Variants in THSD7B observed in about 807,000 individuals in gnomAD.
The protein encoded by THSD7B is thrombospondin type-1 domain-containing protein 7B.
A neutral mutation model predicts 213.6 loss-of-function variants in THSD7B; 138 were observed. That is an observed-to-expected ratio of 0.65 (90% CI 0.56 to 0.74). The LOEUF is 0.74. THSD7B is among the 30% of genes least tolerant of loss of function. The pLI is 0.00. For synonymous variants in THSD7B, 742 were observed against 687.0 expected (o/e 1.08, Z -1.25); for missense variants, 1,931 against 1,991.5 (o/e 0.97, Z 0.58).
chr2:137,445,393 T>C (rs550886415), intron 14 of THSD7B, among the ~76,000 whole-genome samples: 2 of 152,054 alleles, frequency 1.3e-5, no homozygotes, highest in African/African-American at 2.4e-5. Flanking sequence ...AGAAAATATG[T>C]ATATACACAA....
chr2:137,398,746 G>T (rs1318898579), intron 12 of THSD7B, among the ~76,000 whole-genome samples: 1 of 152,168 alleles, frequency 6.6e-6, no homozygotes, highest in Admixed American at 6.5e-5. Context: ...GGCAATGGTG[G>T]GCGCCCCTCC....
At chr2:137,122,338 G>A (rs1688559913) in intron 5 of THSD7B, among the ~76,000 whole-genome samples, 1 of 151,780 alleles carries the variant, frequency 6.6e-6, no homozygotes, top group South Asian at 2.1e-4. Context: ...TAGGTAAGAA[G>A]AGATTAAACC....
At chr2:137,211,342 A>ACACACACACACACACACACACACAGAGG (rs1553479478) in intron 7 of THSD7B, among the ~76,000 whole-genome samples, 16 of 115,748 alleles carry the variant, frequency 1.4e-4, no homozygotes, top group African/African-American at 4.8e-4. Flanking sequence ...ACACACACAC[A>ACACACACACACACACACACACACAGAGG]CACACACACA....
intron 5 of THSD7B, among the ~76,000 whole-genome samples, chr2:137,123,507 CT>C (rs1350946202): frequency 6.6e-6 from 1 of 152,164 alleles, no homozygotes; most frequent in Non-Finnish European, 1.5e-5. Context: ...CTCATATTTT[CT>C]TTGCTTTACT....
chr2:136,873,597 GT>G (rs1683478320), intron 1 of THSD7B, among the ~76,000 whole-genome samples: 1 of 152,222 alleles, frequency 6.6e-6, no homozygotes, highest in Non-Finnish European at 1.5e-5. Flanking sequence ...AGATTGGAAA[GT>G]TGAAAAATCA....
In THSD7B at chr2:137,642,506, G is replaced by A. The variant is rs537759315; in HGVS notation, c.3818G>A (p.Arg1273Gln). The stretch of plus-strand genomic sequence containing the variant: ...ATTTTAGGTCGAATGAGCCGGACTC[G>A]ATTTATCATTATGCCAACCCAAGGA... ...CGHGGRMSRTRFIIMPTQGEG... is the reference protein window; with the variant it reads ...CGHGGRMSRTQFIIMPTQGEG... Residue 1273 changes from arginine to glutamine, a missense_variant, in exon 21 of 28, where the codon CGA (arginine) becomes CAA (glutamine). By Grantham distance (43) the Arg-to-Gln change is conservative (BLOSUM62 1). Transcript: ENST00000409968. The A allele has an allele frequency of 1.9e-6, 3 of 1,613,754 alleles. No individual in the cohort carries two copies. The highest frequency in any genetic ancestry group is 1.1e-5 in the South Asian group (1 of 91,066).
At chr2:137,024,833 G>A (rs953643579) in intron 2 of THSD7B, among the ~76,000 whole-genome samples, 3 of 151,872 alleles carry the variant, frequency 2.0e-5, no homozygotes, top group African/African-American at 7.3e-5. Context: ...CCTCATTTTT[G>A]CCTTGCTGAC....
intron 17 of THSD7B, among the ~76,000 whole-genome samples, chr2:137,583,027 C>A (rs1206380465): frequency 1.3e-5 from 2 of 152,172 alleles, no homozygotes; most frequent in Admixed American, 6.5e-5. Flanking sequence ...TTGATGATCA[C>A]CATTCTAACT....
chr2:137,628,540 A>G (rs1353733036), intron 20 of THSD7B, among the ~76,000 whole-genome samples: 1 of 152,178 alleles, frequency 6.6e-6, no homozygotes, highest in African/African-American at 2.4e-5. Context: ...CACAAAAGAC[A>G]TACAAATGAG....
In THSD7B at chr2:137,620,741, A is replaced by G. The variant is rs1558862397; in HGVS notation, c.3799+15A>G. 1.3e-6 allele frequency: 2 copies of G among 1,598,292 alleles called. No homozygotes were observed. Among genetic ancestry groups the G allele is most frequent in the Non-Finnish European group, 1.7e-6 (2 of 1,166,520 alleles). The stretch of plus-strand genomic sequence containing the variant: ...TGGCCATGGAGGTATTGGTTTCCCC[A>G]TATTTCCCACTAACTAGTGTAGGTT... On this transcript the variant is annotated intron_variant, in intron 20 of 27. Coordinates refer to ENST00000409968, the MANE Select transcript of THSD7B (RefSeq NM_001316349.2).
chr2:137,335,109 T>C (rs1176256807), intron 12 of THSD7B, among the ~76,000 whole-genome samples: 1 of 152,214 alleles, frequency 6.6e-6, no homozygotes, highest in African/African-American at 2.4e-5. Context: ...AGTGTGGGAA[T>C]GGACTAATCC....
intron 21 of THSD7B, among the ~76,000 whole-genome samples, chr2:137,651,819 T>C (rs534206866): frequency 7.2e-4 from 110 of 152,190 alleles, no homozygotes; most frequent in Middle Eastern, 6.8e-3. Flanking sequence ...TCGTTGGTTA[T>C]TCAGGAGCAT....
chr2:137,446,196 A>G (rs564521215), intron 14 of THSD7B, among the ~76,000 whole-genome samples: 173 of 152,146 alleles, frequency 1.1e-3, no homozygotes, highest in Non-Finnish European at 2.1e-3. Flanking sequence ...AATATTTCCT[A>G]CTTTTATGTC....
At chr2:136,809,226 C>A (rs1447814195) in intron 1 of THSD7B, among the ~76,000 whole-genome samples, 1 of 152,088 alleles carries the variant, frequency 6.6e-6, no homozygotes. Context: ...TAGGGGTCGT[C>A]AGGGCCCCCT....
At chr2:137,226,591 TTGATTC>T (rs1681509766) in intron 7 of THSD7B, among the ~76,000 whole-genome samples, 1 of 151,844 alleles carries the variant, frequency 6.6e-6, no homozygotes. Context: ...CCAAGTGCTT[TTGATTC>T]TGCTGGAAAT....
At chr2:137,321,947 T>A (rs1684271857) in intron 12 of THSD7B, among the ~76,000 whole-genome samples, 1 of 152,196 alleles carries the variant, frequency 6.6e-6, no homozygotes, top group South Asian at 2.1e-4. Context: ...CTGTTTGTCA[T>A]AATGATTCAT....
At chr2:137,133,857 A>T (rs952106955) in intron 5 of THSD7B, among the ~76,000 whole-genome samples, 1 of 152,136 alleles carries the variant, frequency 6.6e-6, no homozygotes, top group African/African-American at 2.4e-5. Context: ...ATGTTTGTAT[A>T]TGTTTTACAC....
intron 3 of THSD7B, among the ~76,000 whole-genome samples, chr2:137,091,932 C>A (rs1331061927): frequency 6.6e-6 from 1 of 152,080 alleles, no homozygotes; most frequent in Non-Finnish European, 1.5e-5. Context: ...GTTGTCCCCT[C>A]CCCCAGCCTC....
intron 12 of THSD7B, among the ~76,000 whole-genome samples, chr2:137,398,872 C>T (rs937808708): frequency 3.9e-5 from 6 of 152,138 alleles, no homozygotes; most frequent in African/African-American, 9.7e-5. Context: ...CTTGGTGCAC[C>T]GTTTTTTAAG....
Sources: gnomAD v4.1 joint callset for allele counts (sites outside exome capture counted in the v4.1 genomes callset) on GRCh38, gnomAD v4.1.1 for gene constraint, MANE v1.5 for transcripts, NCBI Gene and HGNC (gene_info 2026-07-23, HGNC 2026-07-21) for gene names.